STK32B: variants seen among roughly 807,000 people sequenced by gnomAD.
The protein encoded by STK32B is serine/threonine kinase 32B, also known as serine/threonine-protein kinase 32B.
STK32B carries 43 observed loss-of-function variants against 52.6 expected under a neutral mutation model. The observed-to-expected ratio is 0.82, with a 90% CI of 0.64 to 1.05. The LOEUF (loss-of-function observed/expected upper bound fraction) is 1.05, where lower values mean the gene tolerates loss of function less well. STK32B is among the 50% of genes least tolerant of loss of function. The pLI is 0.00. For synonymous variants in STK32B, 238 were observed against 204.3 expected (o/e 1.17, Z -1.41); for missense variants, 621 against 534.6 (o/e 1.16, Z -1.59).
intron 6 of STK32B, among the ~76,000 whole-genome samples, chr4:5,440,703 C>T (rs1299782428): frequency 6.6e-6 from 1 of 152,178 alleles, no homozygotes; most frequent in Non-Finnish European, 1.5e-5. Context: ...GGAAATGCTT[C>T]CAGTTTTTGC....
chr4:5,157,303 A>T (rs1420762741), intron 2 of STK32B, among the ~76,000 whole-genome samples: 1 of 150,526 alleles, frequency 6.6e-6, no homozygotes, highest in African/African-American at 2.4e-5. Context: ...AGGATGTAAA[A>T]AAAAAAAAAA....
chr4:5,469,812 G>T lies in STK32B; in HGVS notation c.1106+1742G>T, dbSNP rs186792138. Reference sequence around the variant, plus strand: ...AGCCCATCAGACTTGGGGAAGACGGGGGCTGATGTCGTGAGTGGTTTCGGA... The same window carrying T: ...AGCCCATCAGACTTGGGGAAGACGGTGGCTGATGTCGTGAGTGGTTTCGGA... On this transcript the variant is annotated intron_variant, in intron 11 of 11. Coordinates refer to ENST00000282908, the MANE Select transcript of STK32B (RefSeq NM_018401.3). This position sits in a 1 kb window ranked among gnomAD's most constrained non-coding sequence, Gnocchi z 4.7. Among the ~76,000 whole-genome samples the T allele has an allele frequency of 4.7e-4, 72 of 152,276 alleles. No individual in the cohort carries two copies. The highest frequency in any genetic ancestry group is 1.3e-3 in the Admixed American group (20 of 15,296).
At chr4:5,239,708 G>A (rs1012586519) in intron 3 of STK32B, among the ~76,000 whole-genome samples, 5 of 152,134 alleles carry the variant, frequency 3.3e-5, no homozygotes, top group African/African-American at 9.7e-5. Context: ...TTACAAGATG[G>A]TGTTGGCTGG....
chr4:5,308,975 T>A (rs1435997913), intron 3 of STK32B, among the ~76,000 whole-genome samples: 1 of 152,030 alleles, frequency 6.6e-6, no homozygotes, highest in Non-Finnish European at 1.5e-5. Flanking sequence ...TGCTTGTAGA[T>A]GACATGATCT....
chr4:5,028,498 C>G, the STK32B span, among the ~76,000 whole-genome samples: 5 of 152,340 alleles, frequency 3.3e-5, no homozygotes, highest in East Asian at 9.6e-4. Flanking sequence ...GGTTTACTTC[C>G]AGGCAGCAGC....
intron 2 of STK32B, among the ~76,000 whole-genome samples, chr4:5,145,806 G>C (rs1370976499): frequency 3.3e-5 from 5 of 152,106 alleles, no homozygotes; most frequent in Non-Finnish European, 7.4e-5. Context: ...AATTTTATTA[G>C]TGGTGTGTTT....
chr4:5,123,930 T>C (rs1238518184), intron 1 of STK32B, among the ~76,000 whole-genome samples: 1 of 152,120 alleles, frequency 6.6e-6, no homozygotes, highest in Non-Finnish European at 1.5e-5. Flanking sequence ...CTTTTATTGA[T>C]CACTTAGTAT....
intron 3 of STK32B, among the ~76,000 whole-genome samples, chr4:5,252,965 C>T (rs544610151): frequency 6.6e-6 from 1 of 152,128 alleles, no homozygotes; most frequent in Non-Finnish European, 1.5e-5. Context: ...TTCTATTTGT[C>T]TCTTCTAATC....
At chr4:5,317,628 C>T (rs1233148935) in intron 3 of STK32B, among the ~76,000 whole-genome samples, 2 of 144,074 alleles carry the variant, frequency 1.4e-5, no homozygotes, top group Admixed American at 7.2e-5. Context: ...AACACTCATG[C>T]CCTGGACCAG....
intron 7 of STK32B, among the ~76,000 whole-genome samples, chr4:5,449,021 G>A (rs181051555): frequency 6.6e-6 from 1 of 152,230 alleles, no homozygotes; most frequent in African/African-American, 2.4e-5. Flanking sequence ...GATCCAGGGA[G>A]CTCCTTTCGT....
rs1289150722 is a variant in STK32B, at chr4:5,294,490, TC to T, written c.261-36727del. ...GTTCTCCTTGAAGGATTTCTTTACA[TC>T]CCTTTTAAGTTGTATTCTTAGGTAT... On this transcript the variant is annotated intron_variant, in intron 3 of 11. Coordinates refer to ENST00000282908, the MANE Select transcript of STK32B (RefSeq NM_018401.3). Among the ~76,000 whole-genome samples the T allele has an allele frequency of 2.0e-4, 30 of 152,136 alleles. 1 individual carries two copies. The highest frequency in any genetic ancestry group is 7.0e-4 in the African/African-American group (29 of 41,446).
intron 4 of STK32B, among the ~76,000 whole-genome samples, chr4:5,341,275 G>T (rs921988365): frequency 6.6e-6 from 1 of 152,164 alleles, no homozygotes; most frequent in African/African-American, 2.4e-5. Context: ...CAGTGGAAAT[G>T]GAGCTTTTAA....
At chr4:5,144,286 T>C (rs977030145) in intron 2 of STK32B, among the ~76,000 whole-genome samples, 2 of 152,232 alleles carry the variant, frequency 1.3e-5, no homozygotes, top group Non-Finnish European at 2.9e-5. Context: ...TGGTGTCTTC[T>C]GCATAGGGCT....
intron 6 of STK32B, chr4:5,436,690 C>A: frequency 1.0e-6 from 1 of 982,468 alleles, no homozygotes; most frequent in South Asian, 4.7e-5. Flanking sequence ...TAGAATCACG[C>A]AGAATTGGCA....
chr4:5,174,662 G>T (rs1225011703), intron 3 of STK32B, among the ~76,000 whole-genome samples: 1 of 152,172 alleles, frequency 6.6e-6, no homozygotes, highest in Admixed American at 6.5e-5. Context: ...AGTTTCTGCC[G>T]AGAGATCAGC....
intron 11 of STK32B, among the ~76,000 whole-genome samples, chr4:5,487,770 C>T (rs1355530108): frequency 1.3e-5 from 2 of 152,104 alleles, no homozygotes; most frequent in African/African-American, 2.4e-5. Flanking sequence ...CGTTCTGACA[C>T]CTTAGGATAA....
intron 11 of STK32B, among the ~76,000 whole-genome samples, chr4:5,468,836 G>GCAGATCA: frequency 6.6e-6 from 1 of 152,254 alleles, no homozygotes; most frequent in East Asian, 1.9e-4. Flanking sequence ...GCTGAGGCGG[G>GCAGATCA]CAGATCACGA....
At chr4:5,261,604 C>T (rs971028047) in intron 3 of STK32B, among the ~76,000 whole-genome samples, 1 of 152,124 alleles carries the variant, frequency 6.6e-6, no homozygotes, top group Non-Finnish European at 1.5e-5. Flanking sequence ...TAATAACTTG[C>T]CTAAGGTTAC....
intron 3 of STK32B, among the ~76,000 whole-genome samples, chr4:5,256,844 C>A (rs1726336259): frequency 6.6e-6 from 1 of 152,132 alleles, no homozygotes; most frequent in African/African-American, 2.4e-5. Flanking sequence ...TTTCTTGTCT[C>A]CTTTCCTGGT....
Sources: allele counts gnomAD v4.1 joint callset (sites outside exome capture counted in the v4.1 genomes callset), GRCh38; gene constraint gnomAD v4.1.1; non-coding constraint Gnocchi (gnomAD v3.1); transcripts MANE v1.5; gene names NCBI Gene and HGNC (gene_info 2026-07-23, HGNC 2026-07-21).